The following COQ8B variants were observed in gnomAD, a reference collection of about 807,000 sequenced individuals.
COQ8B encodes the protein atypical kinase COQ8B, mitochondrial.
A neutral mutation model predicts 62.0 loss-of-function variants in COQ8B; 44 were observed. The observed-to-expected ratio is 0.71, with a 90% CI of 0.56 to 0.91. The LOEUF is 0.91. Ranked by LOEUF, COQ8B falls within the 40% of genes least tolerant of loss-of-function variation. The pLI, the probability that COQ8B is intolerant of heterozygous loss-of-function variation, is 0.00. For missense variants in COQ8B, 649 were observed against 731.6 expected (o/e 0.89, Z 1.30); for synonymous variants, 252 against 289.9 (o/e 0.87, Z 1.33).
At chr19:40,692,767 A>C (rs2081983731) in intron 14 of COQ8B, among the ~76,000 whole-genome samples, 184 bp downstream of exon 14, 1 of 139,934 alleles carries the variant, frequency 7.1e-6, no homozygotes, top group African/African-American at 2.7e-5. Context: ...AGAGTCACCC[A>C]CTCCCCAGGT....
Position 40,715,701 on chromosome 19 carries a change from G to A in COQ8B, c.-4+886C>T, listed in dbSNP as rs934205988. On this transcript the variant is annotated intron_variant, in intron 1 of 14. Coordinates refer to ENST00000324464, the MANE Select transcript of COQ8B (RefSeq NM_024876.4). ...ACACACCCTGTTCTCTCCGCTCCCC[G>A]CCCACCTGCGGAATGGTGCGACTGG... 1.5e-5 allele frequency: 12 copies of A among 808,154 alleles called. No homozygotes were observed. In the African/African-American group the frequency reaches 2.1e-4, roughly 14 times the overall value. 50.1% of individuals were successfully genotyped at this position (808,154 alleles called of 1,614,324 possible). A position where few individuals can be genotyped will look rare whatever the true frequency, so the allele number is the denominator to read the frequency against.
At chr19:40,709,025 C>T (rs2082121245) in intron 5 of COQ8B, among the ~76,000 whole-genome samples, 1 of 152,150 alleles carries the variant, frequency 6.6e-6, no homozygotes, top group African/African-American at 2.4e-5. Context: ...CTCGATTCAA[C>T]ATGGTACCAT....
chr19:40,713,008 T>G (rs1322166456), intron 4 of COQ8B, among the ~76,000 whole-genome samples: 3 of 152,156 alleles, frequency 2.0e-5, no homozygotes, highest in Non-Finnish European at 2.9e-5. Context: ...GAGACCAACT[T>G]GAGCAACATA....
intron 12 of COQ8B, 94 bp from the exon 13 acceptor site, chr19:40,696,148 C>T (rs1354617687): frequency 7.5e-7 from 1 of 1,337,490 alleles, no homozygotes; most frequent in African/African-American, 1.4e-5. Flanking sequence ...TCCCCATGAC[C>T]CTGCCTGCTC....
chr19:40,697,148 G>A (rs1768168832), intron 12 of COQ8B, among the ~76,000 whole-genome samples: 1 of 144,330 alleles, frequency 6.9e-6, no homozygotes, highest in African/African-American at 2.6e-5. Flanking sequence ...GTCTTGATCT[G>A]TTGCCCAGGC....
At chr19:40,708,045 A>C (rs989860801) in intron 5 of COQ8B, 1 of 151,968 alleles carries the variant, frequency 6.6e-6, no homozygotes, top group Non-Finnish European at 1.5e-5. Flanking sequence ...CAAAACATTT[A>C]TTTTTCTTTT....
intron 5 of COQ8B, 77 bp downstream of exon 5, chr19:40,709,982 C>T: frequency 6.8e-7 from 1 of 1,471,490 alleles, no homozygotes; most frequent in Non-Finnish European, 9.5e-7. Context: ...GAAACTGGAG[C>T]TCAGAGGGGT....
Position 40,691,754 on chromosome 19 carries a change from C to T in COQ8B, c.*281G>A. 1 of 330,456 alleles carries T rather than the reference C, an allele frequency of 3.0e-6. No homozygotes were observed. The allele number at this position is 330,456 out of a possible 1,614,324, so 20.5% of individuals were successfully genotyped here. ...TGAGTCTGATCTGCATAACGACATG[C>T]AGCGGCCCAAGGCTCCCTCAAATGT... On this transcript the variant is annotated 3_prime_UTR_variant, in exon 15 of 15. Coordinates refer to ENST00000324464, the MANE Select transcript of COQ8B (RefSeq NM_024876.4).
Position 40,692,142 on chromosome 19 carries a change from C to A in COQ8B, c.1528G>T (p.Asp510Tyr). 1.9e-6 allele frequency: 3 copies of A among 1,603,430 alleles called. No homozygotes were observed. Among genetic ancestry groups the A allele is most frequent in the Non-Finnish European group, 2.6e-6 (3 of 1,175,118 alleles). Reference protein sequence around the residue: ...AHLRAHIACRDLFQDTYHRYW... With the variant: ...AHLRAHIACRYLFQDTYHRYW... Reference sequence around the variant, plus strand: ...CGGTGGTAGGTGTCCTGGAAGAGGTCCCTGCAGGCGATGTGGGCTCGGAGG... The same window carrying A: ...CGGTGGTAGGTGTCCTGGAAGAGGTACCTGCAGGCGATGTGGGCTCGGAGG... The change falls in exon 15 of 15, where the codon GAC becomes TAC. Residue 510 changes from aspartate to tyrosine, a missense_variant. Coordinates refer to ENST00000324464, the MANE Select transcript of COQ8B (RefSeq NM_024876.4).
intron 4 of COQ8B, among the ~76,000 whole-genome samples, chr19:40,712,344 GC>G (rs2082148291): frequency 6.6e-6 from 1 of 150,958 alleles, no homozygotes; most frequent in South Asian, 2.1e-4. Context: ...GGAGGCCAAG[GC>G]AGGCGGATCA....
chr19:40,708,441 T>C (rs1423823088), intron 5 of COQ8B, among the ~76,000 whole-genome samples: 1 of 152,242 alleles, frequency 6.6e-6, no homozygotes, highest in Non-Finnish European at 1.5e-5. Context: ...ATTCTCTGGC[T>C]GAATGCCCAC....
Position 40,692,951 on chromosome 19 carries a change from C to T in COQ8B, c.1296G>A (p.Lys432=). The change falls in exon 14 of 15, where the codon AAG becomes AAA. Residue 432 remains lysine (K), a splice_region_variant and synonymous_variant. Coordinates refer to ENST00000324464, the MANE Select transcript of COQ8B (RefSeq NM_024876.4). The stretch of plus-strand genomic sequence containing the variant: ...CCTTTCTCCCCCAGTGTCTCCCCAC[C>T]TTGGTTTCAAAGCCTGTGAGGAATT... ...DLKFLTGFET[K]AFSDAHVEAV... 3.1e-6 allele frequency: 5 copies of T among 1,613,890 alleles called. No homozygotes were observed. The highest frequency in any genetic ancestry group is 4.2e-6 in the Non-Finnish European group (5 of 1,179,820).
chr19:40,703,501 C>A, intron 9 of COQ8B, 40 bp downstream of exon 9: 1 of 1,563,276 alleles, frequency 6.4e-7, no homozygotes. Flanking sequence ...TGGGCATAGC[C>A]CCTTTGGGAG....
At chr19:40,714,968 G>C (rs757847073) in intron 1 of COQ8B, 1 of 1,056,150 alleles carries the variant, frequency 9.5e-7, no homozygotes, top group Non-Finnish European at 1.1e-6. Context: ...CCCTCTGTTG[G>C]CCCTGTAGGC....
At chr19:40,716,362 A>G (rs1200638794) in intron 1 of COQ8B, among the ~76,000 whole-genome samples, 1 of 152,130 alleles carries the variant, frequency 6.6e-6, no homozygotes, top group Admixed American at 6.6e-5. Context: ...CTGGGCTACA[A>G]CTGACAGTGC....
chr19:40,704,619 G>C (rs1379816771), intron 7 of COQ8B: 2 of 156,050 alleles, frequency 1.3e-5, no homozygotes, highest in Admixed American at 6.2e-5. Context: ...AACAGGGATG[G>C]GAGAGCAGGT....
At position 40,692,388 on chromosome 19, in the gene COQ8B, G is replaced by C. The variant is rs745562919; in HGVS notation, c.1297-15C>G. Reference sequence around the variant, plus strand: ...TCGGAGAATGCCTGGGAGTGGGGGTGGGGGGAGAGCAAAGGCAGCCAGTGT... The same window carrying C: ...TCGGAGAATGCCTGGGAGTGGGGGTCGGGGGAGAGCAAAGGCAGCCAGTGT... On this transcript the variant is annotated splice_polypyrimidine_tract_variant and intron_variant, in intron 14 of 14. Coordinates refer to ENST00000324464, the MANE Select transcript of COQ8B (RefSeq NM_024876.4). 9.9e-6 allele frequency: 16 copies of C among 1,609,028 alleles called. No individual in the cohort carries two copies. Among genetic ancestry groups the C allele is most frequent in the East Asian group, 2.2e-5 (1 of 44,800 alleles).
At chr19:40,707,520 G>A (rs2082109839) in intron 5 of COQ8B, among the ~76,000 whole-genome samples, 1 of 151,024 alleles carries the variant, frequency 6.6e-6, no homozygotes, top group Admixed American at 6.6e-5. Context: ...GCATGATCTT[G>A]GTTCACTGCA....
chr19:40,696,132 T>C lies in COQ8B; in HGVS notation c.1144-78A>G. ...TGTCTATTGGGGCAGCCAGGATCTG[T>C]CTCCCTCCCCATGACCCTGCCTGCT... On this transcript the variant is annotated intron_variant, in intron 12 of 14. Transcript: ENST00000324464. 3.3e-6 allele frequency: 5 copies of C among 1,498,242 alleles called. No homozygotes were observed. In the South Asian group the frequency reaches 4.5e-5, roughly 14 times the overall value. 92.8% of individuals were successfully genotyped at this position (1,498,242 alleles called of 1,614,324 possible).
Sources: allele counts gnomAD v4.1 joint callset (sites outside exome capture counted in the v4.1 genomes callset), GRCh38; gene constraint gnomAD v4.1.1; transcripts MANE v1.5; gene names NCBI Gene and HGNC (gene_info 2026-07-23, HGNC 2026-07-21).